Variants in LRRIQ1 observed in about 807,000 individuals in gnomAD.
The protein encoded by LRRIQ1 is leucine-rich repeat- and IQ domain-containing protein 1.
In LRRIQ1, 210 loss-of-function variants were observed where a neutral mutation model predicts 211.9. The ratio of observed to expected loss-of-function variants is 0.99; its 90% CI spans 0.89 to 1.11. The LOEUF (loss-of-function observed/expected upper bound fraction) is 1.11. Among genes scored for constraint, LRRIQ1 ranks in the 50% most tolerant of loss-of-function variants. The pLI, the probability that LRRIQ1 is intolerant of heterozygous loss-of-function variation, is 0.00. For missense variants in LRRIQ1, 2,136 were observed against 1,939.5 expected (o/e 1.10, Z -1.90); for synonymous variants, 699 against 650.1 (o/e 1.08, Z -1.14).
chr12:85,253,650 A>G (rs1896010191), intron 1 of LRRIQ1, among the ~76,000 whole-genome samples: 1 of 152,124 alleles, frequency 6.6e-6, no homozygotes, highest in Non-Finnish European at 1.5e-5. Flanking sequence ...ACAGTTTTAC[A>G]TAAAATAGTA....
At chr12:85,206,583 G>A (rs921878919) in intron 24 of LRRIQ1, among the ~76,000 whole-genome samples, 1 of 152,124 alleles carries the variant, frequency 6.6e-6, no homozygotes, top group African/African-American at 2.4e-5. Flanking sequence ...CAATGGGGGT[G>A]AGGGGGTGCT....
At chr12:85,127,717 A>G (rs1375980667) in intron 17 of LRRIQ1, 115 bp from the exon 18 acceptor site, 3 of 814,222 alleles carry the variant, frequency 3.7e-6, no homozygotes, top group Non-Finnish European at 5.8e-6. Context: ...TCTTATTTTT[A>G]AATAATACTT....
At chr12:85,255,900 A>G (rs1314655433) in intron 1 of LRRIQ1, among the ~76,000 whole-genome samples, 1 of 151,780 alleles carries the variant, frequency 6.6e-6, no homozygotes, top group African/African-American at 2.4e-5. Flanking sequence ...TTACACCAAG[A>G]GCATATTTAC....
chr12:85,255,080 T>C (rs1365457296), intron 1 of LRRIQ1, among the ~76,000 whole-genome samples: 4 of 151,922 alleles, frequency 2.6e-5, no homozygotes, highest in Non-Finnish European at 5.9e-5. Flanking sequence ...CTTTTATTCA[T>C]TTTTAGTTTC....
chr12:85,270,050 T>C, the LRRIQ1 span, among the ~76,000 whole-genome samples: 1 of 151,992 alleles, frequency 6.6e-6, no homozygotes, highest in African/African-American at 2.4e-5. Context: ...GACCCCACCT[T>C]CATGACCTAA....
chr12:85,072,929 A>C lies in LRRIQ1; in HGVS notation c.2718A>C (p.Glu906Asp). ...CAGGATATTCCTTCTTTCTGGAAGA[A>C]AAACTTGTTGACAATGCAGGGTTCT... The part of the protein sequence containing the change: ...TRIGYSFFLE[E>D]KLVDNAGFCH... Residue 906 changes from glutamate to aspartate, a missense_variant, in exon 11 of 27, where the codon GAA becomes GAC. By Grantham distance (45) the Glu-to-Asp change is conservative (BLOSUM62 2). Transcript: ENST00000393217. 2.5e-6 allele frequency: 4 copies of C among 1,608,726 alleles called. No homozygotes were observed. The South Asian group carries it at 4.4e-5, about 18-fold the overall frequency.
intron 24 of LRRIQ1, among the ~76,000 whole-genome samples, chr12:85,200,324 C>T (rs753544967): frequency 6.6e-6 from 1 of 152,116 alleles, no homozygotes; most frequent in Non-Finnish European, 1.5e-5. Context: ...TTTTTGTATG[C>T]TGACATTTTG....
chr12:85,127,912 C>T lies in LRRIQ1; in HGVS notation c.4088C>T (p.Thr1363Ile). The change falls in exon 18 of 27, where the codon ACT (threonine) becomes ATT (isoleucine). Residue 1363 changes from threonine to isoleucine, a missense_variant. Coordinates refer to ENST00000393217, the MANE Select transcript of LRRIQ1 (RefSeq NM_001079910.2). ...RQTHFSTRLHTAATEGLPNSS... is the reference protein window; with the variant it reads ...RQTHFSTRLHIAATEGLPNSS... ...ACTCATTTCTCCACAAGGCTACATA[C>T]TGCTGCAACAGAAGGCCTGCCAAAT... 1 of 1,614,030 alleles carries T rather than the reference C, an allele frequency of 6.2e-7. No homozygotes were observed. Among genetic ancestry groups the T allele is most frequent in the Non-Finnish European group, 8.5e-7 (1 of 1,179,984 alleles).
At chr12:85,159,669 A>T (rs1412894455) in intron 23 of LRRIQ1, 1 of 152,060 alleles carries the variant, frequency 6.6e-6, no homozygotes, top group Non-Finnish European at 1.5e-5. Context: ...AGAGCAAGAG[A>T]GTAGAGAGAT....
At chr12:85,236,960 A>C (rs975566767) in intron 26 of LRRIQ1, among the ~76,000 whole-genome samples, 1 of 150,728 alleles carries the variant, frequency 6.6e-6, no homozygotes, top group African/African-American at 2.4e-5. Flanking sequence ...CTCTTTATTA[A>C]ATAAATGAAT....
rs1889669141 is a variant in LRRIQ1 at position 85,143,293 on chromosome 12, C to T, written c.4329+5324C>T. Among the ~76,000 whole-genome samples, 4 of 151,446 alleles carry T rather than the reference C, an allele frequency of 2.6e-5. No homozygotes were observed. In the South Asian group the frequency reaches 8.3e-4, roughly 31 times the overall value. ...GTCTGTTCAGGTCCTTTGCTCATTT[C>T]CAGTTGATTGATTTGTTGTTTGTTA... On this transcript the variant is annotated intron_variant, in intron 19 of 26. Transcript: ENST00000393217.
chr12:85,101,999 CTA>C (rs1417919520), intron 13 of LRRIQ1, among the ~76,000 whole-genome samples: 1 of 151,536 alleles, frequency 6.6e-6, no homozygotes, highest in African/African-American at 2.4e-5. Flanking sequence ...TATGCCATTA[CTA>C]TTAATATTTC....
intron 6 of LRRIQ1, among the ~76,000 whole-genome samples, chr12:85,050,623 G>C (rs1880191942): frequency 6.6e-6 from 1 of 152,064 alleles, no homozygotes; most frequent in South Asian, 2.1e-4. Context: ...TCGCATCCAT[G>C]TACTTTACAG....
intron 24 of LRRIQ1, among the ~76,000 whole-genome samples, chr12:85,183,203 T>A (rs1308677328): frequency 1.3e-5 from 2 of 152,170 alleles, no homozygotes; most frequent in Non-Finnish European, 2.9e-5. Flanking sequence ...TATAGCACAC[T>A]TGTATTTGAT....
intron 24 of LRRIQ1, among the ~76,000 whole-genome samples, chr12:85,163,382 T>C (rs1890996708): frequency 6.6e-6 from 1 of 152,132 alleles, no homozygotes; most frequent in African/African-American, 2.4e-5. Flanking sequence ...AAAATTAAAT[T>C]TTCCTGTAGG....
At chr12:85,259,910 G>A (rs1408310814) in intron 1 of LRRIQ1, among the ~76,000 whole-genome samples, 1 of 151,862 alleles carries the variant, frequency 6.6e-6, no homozygotes, top group Non-Finnish European at 1.5e-5. Context: ...ATATTGGGGG[G>A]AAATGTACCA....
chr12:85,187,636 G>A (rs1892284519), intron 24 of LRRIQ1, among the ~76,000 whole-genome samples: 1 of 150,384 alleles, frequency 6.6e-6, no homozygotes, highest in African/African-American at 2.5e-5. Context: ...GCAAAACCCC[G>A]TTTCTACTAA....
chr12:85,098,284 A>G, intron 11 of LRRIQ1, 71 bp from the exon 12 acceptor site: 1 of 1,042,128 alleles, frequency 9.6e-7, no homozygotes, highest in East Asian at 2.6e-5. Context: ...ATTTAGAAAA[A>G]AAATGGAAAC....
At chr12:85,088,229 A>C (rs1420386408) in intron 11 of LRRIQ1, among the ~76,000 whole-genome samples, 4 of 151,898 alleles carry the variant, frequency 2.6e-5, no homozygotes, top group South Asian at 2.1e-4. Context: ...TTGTTTTTGT[A>C]AGGTTTGTCA....
Sources: allele counts gnomAD v4.1 joint callset (sites outside exome capture counted in the v4.1 genomes callset), GRCh38; gene constraint gnomAD v4.1.1; transcripts MANE v1.5; gene names NCBI Gene and HGNC (gene_info 2026-07-23, HGNC 2026-07-21).